Variants in POLR2J observed in about 807,000 individuals in gnomAD.
POLR2J encodes DNA-directed RNA polymerase II subunit RPB11-a.
Under a neutral mutation model 13.4 loss-of-function variants are expected in POLR2J, and 12 were observed. The observed-to-expected ratio is 0.90, with a 90% CI of 0.57 to 1.45. POLR2J has a LOEUF of 1.45. Among genes scored for constraint, POLR2J ranks in the 40% most tolerant of loss-of-function variants. The probability of loss-of-function intolerance (pLI) is 0.00; values close to 1 mark genes in which losing one functional copy is unlikely to be tolerated. For synonymous variants in POLR2J, 31 were observed against 53.6 expected (o/e 0.58, Z 1.84); for missense variants, 58 against 132.0 (o/e 0.44, Z 2.75).
intron 2 of POLR2J, among the ~76,000 whole-genome samples, chr7:102,475,217 G>A (rs938227638): frequency 1.3e-5 from 2 of 152,258 alleles, no homozygotes; most frequent in African/African-American, 4.8e-5. Flanking sequence ...CCCACACCAG[G>A]AGACTGGGCA....
chr7:102,473,697 A>G lies in POLR2J; in HGVS notation c.319-13T>C, dbSNP rs369643503. The G allele has an allele frequency of 2.7e-5, 43 of 1,613,568 alleles. No homozygotes were observed. Among genetic ancestry groups the G allele is most frequent in the Non-Finnish European group, 3.1e-5 (36 of 1,179,820 alleles). On this transcript the variant is annotated splice_polypyrimidine_tract_variant and intron_variant, in intron 3 of 3. Coordinates refer to ENST00000292614, the MANE Select transcript of POLR2J (RefSeq NM_006234.6). ...CTTTTATGGCCACCTGGGAGAGAAGAAGGTGGTGGAGACTGAGCTGGAACA... is the reference window on the plus strand; with the variant it reads ...CTTTTATGGCCACCTGGGAGAGAAGGAGGTGGTGGAGACTGAGCTGGAACA...
chr7:102,473,923 G>A (rs951515812), intron 3 of POLR2J: 31 of 1,434,618 alleles, frequency 2.2e-5, no homozygotes, highest in Admixed American at 8.6e-5. Context: ...CGACTCAGAC[G>A]TTGAAATCCC....
chr7:102,473,618 C>T lies in POLR2J; in HGVS notation c.*31G>A. The T allele has an allele frequency of 6.2e-7, 1 of 1,603,134 alleles. No homozygotes were observed. Among genetic ancestry groups the T allele is most frequent in the Non-Finnish European group, 8.5e-7 (1 of 1,176,596 alleles). ...GGGTCAGGCACAGGTAGGAACGGGGCTCACAGGCCGAGCAGAGCCCCCTCT... is the reference window on the plus strand; with the variant it reads ...GGGTCAGGCACAGGTAGGAACGGGGTTCACAGGCCGAGCAGAGCCCCCTCT... On this transcript the variant is annotated 3_prime_UTR_variant, in exon 4 of 4. Coordinates refer to ENST00000292614, the MANE Select transcript of POLR2J (RefSeq NM_006234.6).
In POLR2J at chr7:102,473,839, C is replaced by T. The variant is rs369546630; in HGVS notation, c.319-155G>A. ...TGGAGCAGCCAAAGGGCCCTCCCAG[C>T]TGGCCCAATCCAGCCATTCTCTATG... On this transcript the variant is annotated intron_variant, in intron 3 of 3. Transcript: ENST00000292614. The T allele has an allele frequency of 2.7e-6, 4 of 1,454,918 alleles. No individual in the cohort carries two copies. The African/African-American group carries it at 4.3e-5, about 15-fold the overall frequency. The allele number at this position is 1,454,918 out of a possible 1,614,324, so 90.1% of individuals were successfully genotyped here. A position where few individuals can be genotyped will look rare whatever the true frequency, so the allele number is the denominator to read the frequency against.
Position 102,473,166 on chromosome 7 carries a change from G to T in POLR2J, c.*483C>A. 8.3e-7 allele frequency: 1 copy of T among 1,200,084 alleles called. No individual in the cohort carries two copies. Among genetic ancestry groups the T allele is most frequent in the Non-Finnish European group, 1.2e-6 (1 of 867,812 alleles). The allele number at this position is 1,200,084 out of a possible 1,614,324, so 74.3% of individuals were successfully genotyped here. A position where few individuals can be genotyped will look rare whatever the true frequency, so the allele number is the denominator to read the frequency against. On this transcript the variant is annotated 3_prime_UTR_variant, in exon 4 of 4. Transcript: ENST00000292614. ...TTTTATTAAACTCTACTGTGGACAA[G>T]AAGCCTGTGGAAAGGTGTTTCGAGT...
At position 102,475,041 on chromosome 7, in the gene POLR2J, G is replaced by A. The variant is rs557354571; in HGVS notation, c.144-506C>T. On this transcript the variant is annotated intron_variant, in intron 2 of 3. Coordinates refer to ENST00000292614, the MANE Select transcript of POLR2J (RefSeq NM_006234.6). ...GCGTCGCGTACTGTGCCCTGGGCAC[G>A]CAGGGGTCTCCTCTAGAGCGGCTCA... 3.5e-4 allele frequency among the ~76,000 whole-genome samples: 53 copies of A among 151,764 alleles called. No individual in the cohort carries two copies. The South Asian group carries it at 5.4e-3, about 16-fold the overall frequency.
chr7:102,476,029 G>A, intron 2 of POLR2J, 152 bp downstream of exon 2: 2 of 559,878 alleles, frequency 3.6e-6, no homozygotes, highest in East Asian at 5.8e-5. Flanking sequence ...GTGTCATTTT[G>A]ATAAAAAGGT....
rs779719584 is a variant in POLR2J, at chr7:102,478,878, G to T, written c.-18C>A. ...GCGTTCATGCTCCCGCCGCCGTTGC[G>T]TCCAGACCCCAAGGGTCCGCCGCCG... On this transcript the variant is annotated 5_prime_UTR_variant, in exon 1 of 4. Transcript: ENST00000292614. 64 of 1,610,414 alleles carry T rather than the reference G, an allele frequency of 4.0e-5. No individual in the cohort carries two copies. Among genetic ancestry groups the T allele is most frequent in the Middle Eastern group, 2.2e-4 (1 of 4,454 alleles).
At chr7:102,478,453 G>A (rs1451618549) in intron 1 of POLR2J, among the ~76,000 whole-genome samples, 3 of 151,180 alleles carry the variant, frequency 2.0e-5, no homozygotes, top group African/African-American at 4.9e-5. Context: ...GCAGGCCGCT[G>A]ACAGATCGGA....
At chr7:102,473,800 A>T in intron 3 of POLR2J, 116 bp from the exon 4 acceptor site, 1 of 1,512,244 alleles carries the variant, frequency 6.6e-7, no homozygotes, top group South Asian at 1.3e-5. Flanking sequence ...CATGGGCCAC[A>T]CTCCCCAGGA....
chr7:102,473,837 A>C, intron 3 of POLR2J, 153 bp from the exon 4 acceptor site: 3 of 1,455,990 alleles, frequency 2.1e-6, no homozygotes, highest in Non-Finnish European at 2.7e-6. Context: ...GGGCCCTCCC[A>C]GCTGGCCCAA....
At position 102,473,543 on chromosome 7, in the gene POLR2J, G is replaced by C; in HGVS notation, c.*106C>G. On this transcript the variant is annotated 3_prime_UTR_variant, in exon 4 of 4. Coordinates refer to ENST00000292614, the MANE Select transcript of POLR2J (RefSeq NM_006234.6). ...TCAGGGTGAGGGGTGGCCACAAGGC[G>C]GGCCATGGCTGGGACCGGCCGCTCT... 1.8e-6 allele frequency: 2 copies of C among 1,127,702 alleles called. No homozygotes were observed. The highest frequency in any genetic ancestry group is 2.3e-6 in the Non-Finnish European group (2 of 888,048). 69.9% of individuals were successfully genotyped at this position (1,127,702 alleles called of 1,614,324 possible). A position where few individuals can be genotyped will look rare whatever the true frequency, so the allele number is the denominator to read the frequency against.
intron 3 of POLR2J, chr7:102,473,904 G>A: frequency 1.4e-6 from 2 of 1,436,982 alleles, no homozygotes; most frequent in African/African-American, 1.4e-5. Flanking sequence ...AGGCTTCCTG[G>A]TGAGCAGACG....
chr7:102,475,202 G>C (rs940050072), intron 2 of POLR2J, among the ~76,000 whole-genome samples: 1 of 152,226 alleles, frequency 6.6e-6, no homozygotes, highest in African/African-American at 2.4e-5. Flanking sequence ...CCATCCCTGC[G>C]CCTGCCCACA....
intron 1 of POLR2J, 51 bp downstream of exon 1, chr7:102,478,757 C>T (rs1798499806): frequency 1.2e-6 from 2 of 1,606,578 alleles, no homozygotes; most frequent in Non-Finnish European, 1.7e-6. Context: ...CCCCAGAATG[C>T]GACAGCCGCA....
intron 1 of POLR2J, among the ~76,000 whole-genome samples, chr7:102,478,326 G>T (rs1469579580): frequency 1.0e-5 from 1 of 98,920 alleles, no homozygotes; most frequent in African/African-American, 4.0e-5. Context: ...TTTTCCAGAT[G>T]AGGAAACAGG....
Position 102,473,583 on chromosome 7 carries a change from C to T in POLR2J, c.*66G>A, listed in dbSNP as rs1051678815. 1 of 1,533,476 alleles carries T rather than the reference C, an allele frequency of 6.5e-7. No individual in the cohort carries two copies. Among genetic ancestry groups the T allele is most frequent in the Non-Finnish European group, 8.7e-7 (1 of 1,148,514 alleles). The allele number at this position is 1,533,476 out of a possible 1,614,324, so 95.0% of individuals were successfully genotyped here. On this transcript the variant is annotated 3_prime_UTR_variant, in exon 4 of 4. Transcript: ENST00000292614. ...CCGGCCGCTCTCCTCGGTGTGGTAC[C>T]TGGAGCGGAGGGTCAGGCACAGGTA...
rs372295917 is a variant in POLR2J at position 102,473,649 on chromosome 7, C to T, written c.354G>A (p.Ter118=). The T allele has an allele frequency of 7.5e-6, 12 of 1,604,110 alleles. No individual in the cohort carries two copies. Among genetic ancestry groups the T allele is most frequent in the Non-Finnish European group, 1.0e-5 (12 of 1,177,244 alleles). Residue 118 remains the stop codon, a stop_retained_variant, in exon 4 of 4, where the codon TAG becomes TAA. Transcript: ENST00000292614. ...GGCCGAGCAGAGCCCCCTCTGGCCC[C>T]TACTCAATTCCTTCCTGCTTGTCTT... ...AIKDKQEGIE[*] is the part of the protein sequence containing the mutation.
chr7:102,473,791 A>G (rs751121821), intron 3 of POLR2J, 107 bp from the exon 4 acceptor site: 17 of 1,545,516 alleles, frequency 1.1e-5, no homozygotes, highest in Non-Finnish European at 1.4e-5. Context: ...GAGGGCAGCC[A>G]TGGGCCACAC....
Sources: allele counts gnomAD v4.1 joint callset (sites outside exome capture counted in the v4.1 genomes callset), GRCh38; gene constraint gnomAD v4.1.1; transcripts MANE v1.5; gene names NCBI Gene and HGNC (gene_info 2026-07-23, HGNC 2026-07-21).